EPB41L5: variants seen among roughly 807,000 people sequenced by gnomAD.
EPB41L5 encodes band 4.1-like protein 5.
Under a neutral mutation model 106.6 loss-of-function variants are expected in EPB41L5, and 55 were observed. The ratio of observed to expected loss-of-function variants is 0.52; its 90% CI spans 0.42 to 0.65. The LOEUF (loss-of-function observed/expected upper bound fraction) is 0.65, where lower values mean the gene tolerates loss of function less well. Among genes scored for constraint, EPB41L5 ranks in the 30% least tolerant of loss-of-function variants. The probability of loss-of-function intolerance (pLI) is 0.00; values close to 1 mark genes in which losing one functional copy is unlikely to be tolerated. For synonymous variants in EPB41L5, 297 were observed against 306.7 expected, an observed-to-expected ratio of 0.97 and a Z score of 0.33; for missense variants, 871 against 882.1, an observed-to-expected ratio of 0.99 and a Z score of 0.16.
In EPB41L5 at chr2:120,167,981, G is replaced by C; in HGVS notation, c.2109G>C (p.Ala703=). 6.2e-7 allele frequency: 1 copy of C among 1,614,066 alleles called. No homozygotes were observed. Among genetic ancestry groups the C allele is most frequent in the Non-Finnish European group, 8.5e-7 (1 of 1,179,992 alleles). Residue 703 remains alanine (A), a synonymous_variant, in exon 24 of 25, where the codon GCG becomes GCC. Coordinates refer to ENST00000263713, the MANE Select transcript of EPB41L5 (RefSeq NM_020909.4). The part of the protein sequence containing the change: ...KDGISLISPP[A]PFLVDAVTSS... Reference sequence around the variant, plus strand: ...GAATCTCACTGATCTCTCCCCCAGCGCCATTCTTGGTAGATGCTGTGACCA... The same window carrying C: ...GAATCTCACTGATCTCTCCCCCAGCCCCATTCTTGGTAGATGCTGTGACCA...
intron 16 of EPB41L5, chr2:120,106,555 G>A: frequency 1.0e-6 from 1 of 985,184 alleles, no homozygotes; most frequent in Non-Finnish European, 1.2e-6. Context: ...CACCTTACTG[G>A]GTCACCATCC....
chr2:120,128,717 T>A (rs1359330576), intron 17 of EPB41L5, among the ~76,000 whole-genome samples: 1 of 152,162 alleles, frequency 6.6e-6, no homozygotes, highest in East Asian at 1.9e-4. Flanking sequence ...GGTTTTTTTT[T>A]TTTTTGACAT....
intron 3 of EPB41L5, among the ~76,000 whole-genome samples, chr2:120,042,998 TGTGTGTGTGTGTGTGTG>T (rs1679504159): frequency 9.4e-5 from 12 of 127,616 alleles, no homozygotes; most frequent in South Asian, 2.6e-4. Context: ...TCTGGAAATG[TGTGTGTGTGTGTGTGTG>T]TGTGTGTGTG....
intron 3 of EPB41L5, among the ~76,000 whole-genome samples, chr2:120,064,392 G>T (rs72840500): frequency 0.046 from 6,969 of 152,240 alleles, 228 homozygotes; most frequent in Non-Finnish European, 0.071. Context: ...TAGGTTAAGT[G>T]ATTAGAAGGC....
chr2:120,148,524 C>T (rs1686514631), intron 20 of EPB41L5, among the ~76,000 whole-genome samples: 1 of 152,204 alleles, frequency 6.6e-6, no homozygotes, highest in South Asian at 2.1e-4. Context: ...CCATATTCTG[C>T]TTCTTGCCCA....
intron 16 of EPB41L5, among the ~76,000 whole-genome samples, chr2:120,117,621 T>TA (rs1685010509): frequency 6.6e-6 from 1 of 152,170 alleles, no homozygotes; most frequent in South Asian, 2.1e-4. Flanking sequence ...ATATGGTATC[T>TA]AAGTGTGTGT....
chr2:120,090,276 G>T (rs777489448), intron 11 of EPB41L5, 71 bp from the exon 12 acceptor site: 157 of 1,258,142 alleles, frequency 1.2e-4, no homozygotes, highest in Non-Finnish European at 1.6e-4. Flanking sequence ...GGATGTGTTT[G>T]TATCTCAGAA....
At chr2:120,144,604 T>C (rs1686319570) in intron 19 of EPB41L5, among the ~76,000 whole-genome samples, 1 of 152,116 alleles carries the variant, frequency 6.6e-6, no homozygotes, top group African/African-American at 2.4e-5. Flanking sequence ...ACTAAACATT[T>C]ATGGAAGAAA....
intron 1 of EPB41L5, among the ~76,000 whole-genome samples, chr2:120,017,658 TTA>T (rs1677613304): frequency 6.6e-6 from 1 of 152,200 alleles, no homozygotes; most frequent in African/African-American, 2.4e-5. Context: ...TTAAAAAGAT[TTA>T]TGTTAAGTAG....
At chr2:120,105,907 A>T (rs1684426820) in intron 16 of EPB41L5, 4 of 985,104 alleles carry the variant, frequency 4.1e-6, no homozygotes, top group African/African-American at 1.7e-5. Context: ...ATGGGTATGT[A>T]TATCATTAAA....
chr2:120,112,792 C>T (rs923072089), intron 16 of EPB41L5, among the ~76,000 whole-genome samples: 2 of 152,190 alleles, frequency 1.3e-5, no homozygotes, highest in African/African-American at 4.8e-5. Flanking sequence ...AGACATTGTT[C>T]TGGAGGTACA....
intron 3 of EPB41L5, among the ~76,000 whole-genome samples, chr2:120,057,958 C>T (rs997346653): frequency 3.3e-5 from 5 of 151,942 alleles, no homozygotes; most frequent in African/African-American, 4.8e-5. Context: ...TTAACTGTAC[C>T]GATTTCCTGG....
intron 17 of EPB41L5, 29 bp downstream of exon 17, chr2:120,127,880 G>GAT (rs780575503): frequency 1.3e-5 from 20 of 1,510,896 alleles, no homozygotes; most frequent in Non-Finnish European, 1.7e-5. Context: ...ATACATCAGT[G>GAT]ATACCTTTTT....
In EPB41L5 at chr2:120,158,559, C is replaced by A. The variant is rs547957662; in HGVS notation, c.1794-2322C>A. On this transcript the variant is annotated intron_variant, in intron 20 of 24. Transcript: ENST00000263713. ...AACACTGCTTCGGGTTAAAAACTCTCAATAAAAGAAGTATTCAAGGAACAT... is the reference window on the plus strand; with the variant it reads ...AACACTGCTTCGGGTTAAAAACTCTAAATAAAAGAAGTATTCAAGGAACAT... Among the ~76,000 whole-genome samples, 4 of 152,280 alleles carry A rather than the reference C, an allele frequency of 2.6e-5. No homozygotes were observed. The South Asian group carries it at 8.3e-4, about 32-fold the overall frequency.
intron 24 of EPB41L5, among the ~76,000 whole-genome samples, chr2:120,171,299 C>T (rs978263441): frequency 1.3e-5 from 2 of 152,146 alleles, no homozygotes; most frequent in Non-Finnish European, 2.9e-5. Flanking sequence ...GAAAAGGCAA[C>T]GAAATTGTAG....
intron 24 of EPB41L5, among the ~76,000 whole-genome samples, chr2:120,168,295 C>T (rs936361382): frequency 5.3e-5 from 8 of 152,052 alleles, no homozygotes; most frequent in Admixed American, 1.3e-4. Flanking sequence ...TTTCCCTTTA[C>T]GCTTTACTAT....
intron 19 of EPB41L5, among the ~76,000 whole-genome samples, chr2:120,144,059 A>C (rs1686295457): frequency 6.6e-6 from 1 of 152,188 alleles, no homozygotes; most frequent in Non-Finnish European, 1.5e-5. Context: ...GTTGACCCTC[A>C]ATAGTTATAG....
chr2:120,042,055 AC>A lies in EPB41L5; in HGVS notation c.232del (p.Leu78Ter). On this transcript the variant is annotated frameshift_variant, in exon 3 of 25. Coordinates refer to ENST00000263713, the MANE Select transcript of EPB41L5 (RefSeq NM_020909.4). LOFTEE classifies it high-confidence loss of function. The part of the protein sequence containing the change: ...ELFDQIMYHL[D>X]LIESDYFGLR... ...TTTGATCAGATTATGTACCACCTGG[AC>A]CTGATTGAAAGCGACTATTTTGGTC... The A allele has an allele frequency of 6.2e-7, 1 of 1,613,726 alleles. No individual in the cohort carries two copies.
At chr2:120,115,937 G>GTTT (rs1684930148) in intron 16 of EPB41L5, among the ~76,000 whole-genome samples, 1 of 151,992 alleles carries the variant, frequency 6.6e-6, no homozygotes, top group Admixed American at 6.6e-5. Flanking sequence ...ATCCTCCTAA[G>GTTT]TAGCTGGGAT....
Sources: allele counts gnomAD v4.1 joint callset (sites outside exome capture counted in the v4.1 genomes callset), GRCh38; gene constraint gnomAD v4.1.1; transcripts MANE v1.5; gene names NCBI Gene and HGNC (gene_info 2026-07-23, HGNC 2026-07-21).